Variants in KRABD5 observed in about 807,000 individuals in gnomAD.
KRABD5 encodes KRAB domain containing 5.
chr16:31,723,181 TC>T, the KRABD5 span: 1 of 1,461,424 alleles, frequency 6.8e-7, no homozygotes, highest in Non-Finnish European at 9.3e-7. Flanking sequence ...TAATGTTCCC[TC>T]TTTACTGAGT....
At chr16:31,725,624 C>T in the KRABD5 span, among the ~76,000 whole-genome samples, 8 of 152,196 alleles carry the variant, frequency 5.3e-5, no homozygotes, top group Non-Finnish European at 7.3e-5. Flanking sequence ...GACATTCTAA[C>T]GGTATGAGGT....
the KRABD5 span, chr16:31,723,450 G>C: frequency 7.8e-7 from 1 of 1,279,604 alleles, no homozygotes. Flanking sequence ...TTCTCCAGTG[G>C]AAATGATTTT....
chr16:31,756,236 A>G, the KRABD5 span: 2 of 152,242 alleles, frequency 1.3e-5, no homozygotes, highest in African/African-American at 2.4e-5. Flanking sequence ...ACATGAAGAA[A>G]ATCTAAAAGA....
At chr16:31,722,833 G>A in the KRABD5 span, 1 of 1,428,316 alleles carries the variant, frequency 7.0e-7, no homozygotes, top group Non-Finnish European at 9.3e-7. Flanking sequence ...TGTCACTTGG[G>A]AGCTTATGCT....
At chr16:31,753,151 C>T in the KRABD5 span, among the ~76,000 whole-genome samples, 1 of 152,170 alleles carries the variant, frequency 6.6e-6, no homozygotes, top group African/African-American at 2.4e-5. Context: ...ATTCTTCATA[C>T]TGTTGTCAGG....
the KRABD5 span, among the ~76,000 whole-genome samples, chr16:31,719,437 T>A: frequency 2.0e-5 from 3 of 152,316 alleles, no homozygotes; most frequent in East Asian, 3.9e-4. Context: ...TCAGAAAAAC[T>A]CTGGGAGTCA....
chr16:31,744,616 A>T, the KRABD5 span, among the ~76,000 whole-genome samples: 556 of 152,226 alleles, frequency 3.7e-3, 3 homozygotes, highest in African/African-American at 0.013. Context: ...CAGTTTTGGT[A>T]CCAGGATGAT....
At chr16:31,713,435 G>A in the KRABD5 span, 2 of 1,605,516 alleles carry the variant, frequency 1.2e-6, no homozygotes, top group African/African-American at 2.7e-5. Flanking sequence ...GCTGGGAAAT[G>A]GTGAATGTGC....
chr16:31,754,218 G>A, the KRABD5 span: 3,188 of 665,792 alleles, frequency 4.8e-3, 89 homozygotes, highest in African/African-American at 0.052. Flanking sequence ...ATTTAAAAAC[G>A]AGGAGGTGAT....
chr16:31,753,819 T>C, the KRABD5 span: 3 of 1,547,048 alleles, frequency 1.9e-6, no homozygotes, highest in Non-Finnish European at 2.6e-6. Context: ...TATAGAAGCA[T>C]CATTCCAAAA....
chr16:31,745,379 CCAGGAAT>C, the KRABD5 span, among the ~76,000 whole-genome samples: 1 of 151,964 alleles, frequency 6.6e-6, no homozygotes, highest in South Asian at 2.1e-4. Context: ...CATTATTTTC[CCAGGAAT>C]CATGCAGGAG....
chr16:31,723,739 C>T, the KRABD5 span, among the ~76,000 whole-genome samples: 3 of 151,984 alleles, frequency 2.0e-5, no homozygotes, highest in African/African-American at 2.4e-5. Context: ...GTGTGTGAGG[C>T]GAGTGATGGA....
At chr16:31,737,629 A>G in the KRABD5 span, among the ~76,000 whole-genome samples, 2 of 152,280 alleles carry the variant, frequency 1.3e-5, no homozygotes, top group South Asian at 2.1e-4. Context: ...TACTATATAC[A>G]TGAGTGTTTA....
the KRABD5 span, chr16:31,757,784 A>T: frequency 1.3e-5 from 2 of 152,102 alleles, no homozygotes; most frequent in African/African-American, 4.8e-5. Flanking sequence ...TGAACCCATG[A>T]CTAATACATC....
chr16:31,715,728 C>T, the KRABD5 span, among the ~76,000 whole-genome samples: 1 of 152,082 alleles, frequency 6.6e-6, no homozygotes, highest in East Asian at 1.9e-4. Flanking sequence ...TGGGTGCTGT[C>T]AGAATTGAGT....
the KRABD5 span, among the ~76,000 whole-genome samples, chr16:31,741,763 C>T: frequency 6.6e-6 from 1 of 151,878 alleles, no homozygotes; most frequent in East Asian, 1.9e-4. Context: ...TGATTCTTTT[C>T]ACAGTTTCTT....
At chr16:31,759,719 C>G in the KRABD5 span, 1 of 211,812 alleles carries the variant, frequency 4.7e-6, no homozygotes, top group Non-Finnish European at 9.7e-6. Flanking sequence ...AATGTTAGCT[C>G]AGGATCTTGT....
At chr16:31,715,002 CCTTT>C in the KRABD5 span, among the ~76,000 whole-genome samples, 2 of 152,020 alleles carry the variant, frequency 1.3e-5, no homozygotes, top group South Asian at 2.1e-4. Flanking sequence ...GCAGAAAAGG[CCTTT>C]CTTTCATAGG....
At chr16:31,746,949 G>A in the KRABD5 span, among the ~76,000 whole-genome samples, 1 of 150,776 alleles carries the variant, frequency 6.6e-6, no homozygotes, top group East Asian at 1.9e-4. Context: ...TTCTCATGCT[G>A]TGTTTCTCAG....
Sources: gnomAD v4.1 joint callset for allele counts (sites outside exome capture counted in the v4.1 genomes callset) on GRCh38, gnomAD v4.1.1 for gene constraint, MANE v1.5 for transcripts, NCBI Gene and HGNC (gene_info 2026-07-23, HGNC 2026-07-21) for gene names.